The following TMEM143 variants were observed in gnomAD, a reference collection of about 807,000 sequenced individuals.
TMEM143 encodes transmembrane protein 143.
A neutral mutation model predicts 40.3 loss-of-function variants in TMEM143; 45 were observed. That is an observed-to-expected ratio of 1.12 (90% CI 0.88 to 1.43). The LOEUF (loss-of-function observed/expected upper bound fraction) is 1.43, where lower values mean the gene tolerates loss of function less well. Among genes scored for constraint, TMEM143 ranks in the 40% most tolerant of loss-of-function variants. The pLI is 0.00. For missense variants in TMEM143, 620 were observed against 613.4 expected, an observed-to-expected ratio of 1.01 and a Z score of -0.11; for synonymous variants, 299 against 282.7, an observed-to-expected ratio of 1.06 and a Z score of -0.58.
intron 6 of TMEM143, among the ~76,000 whole-genome samples, chr19:48,338,819 C>A (rs1410441401): frequency 6.6e-6 from 1 of 152,112 alleles, no homozygotes; most frequent in Non-Finnish European, 1.5e-5. Flanking sequence ...ATGGAGGAAC[C>A]CACAGGGGCA....
In TMEM143 at chr19:48,332,950, T is replaced by G; in HGVS notation, c.*269A>C. On this transcript the variant is annotated 3_prime_UTR_variant, in exon 8 of 8. Coordinates refer to ENST00000293261, the MANE Select transcript of TMEM143 (RefSeq NM_018273.4). The stretch of plus-strand genomic sequence containing the variant: ...GCTCCTCAGCCAAACCACACTTGGA[T>G]GTTTATGGTGAGGGTGGGACTAAGA... The G allele has an allele frequency of 7.5e-5, 22 of 294,418 alleles. No individual in the cohort carries two copies. The highest frequency in any genetic ancestry group is 1.2e-4 in the East Asian group (2 of 17,228). The allele number at this position is 294,418 out of a possible 1,614,324, so 18.2% of individuals were successfully genotyped here.
At position 48,342,583 on chromosome 19, in the gene TMEM143, T is replaced by C; in HGVS notation, c.922A>G (p.Thr308Ala). The C allele has an allele frequency of 1.2e-6, 2 of 1,612,462 alleles. No individual in the cohort carries two copies. Residue 308 changes from threonine (T) to alanine (A), a missense_variant, in exon 6 of 8, where the codon ACC (threonine) becomes GCC (alanine). Thr to Ala is a moderately conservative substitution (Grantham distance 58). Transcript: ENST00000293261. ...MVVLTDLKVA[T>A]SLLLLLFAIF... Reference sequence around the variant, plus strand: ...GCGAAGAGCAGCAGCAGCAGGGAGGTGGCCACCTTGAGGTCGGTTAGCACC... The same window carrying C: ...GCGAAGAGCAGCAGCAGCAGGGAGGCGGCCACCTTGAGGTCGGTTAGCACC...
At position 48,333,430 on chromosome 19, in the gene TMEM143, G is replaced by A. The variant is rs1378044632; in HGVS notation, c.1169C>T (p.Thr390Ile). The A allele has an allele frequency of 6.3e-7, 1 of 1,583,938 alleles. No homozygotes were observed. The highest frequency in any genetic ancestry group is 1.1e-5 in the South Asian group (1 of 87,988). The change falls in exon 8 of 8, where the codon ACC becomes ATC. Residue 390 changes from threonine to isoleucine, a missense_variant. Thr to Ile is a moderately conservative substitution (Grantham distance 89, BLOSUM62 -1). Coordinates refer to ENST00000293261, the MANE Select transcript of TMEM143 (RefSeq NM_018273.4). This position sits in a 1 kb window ranked among gnomAD's most constrained non-coding sequence, Gnocchi z 4.1. Reference protein sequence around the residue: ...PGGTQGSPEETSRWLRSEVEN... With the variant: ...PGGTQGSPEEISRWLRSEVEN... ...CACCTCCGACCGGAGCCACCTGGAG[G>A]TCTCTGCAAGGGGAGAGGCAGGTGT... is the stretch of plus-strand genomic sequence containing the variant.
chr19:48,346,010 C>G (rs1969621835), intron 3 of TMEM143, among the ~76,000 whole-genome samples: 1 of 151,212 alleles, frequency 6.6e-6, no homozygotes, highest in South Asian at 2.1e-4. Context: ...GTCTCGAACT[C>G]CTGACATGTG....
chr19:48,355,974 A>G (rs1240018105), intron 3 of TMEM143, among the ~76,000 whole-genome samples: 1 of 152,170 alleles, frequency 6.6e-6, no homozygotes, highest in Non-Finnish European at 1.5e-5. Context: ...TTACAGGAGC[A>G]TCCCTGGTTG....
intron 3 of TMEM143, among the ~76,000 whole-genome samples, chr19:48,350,615 T>G (rs1293463074): frequency 6.6e-6 from 1 of 151,904 alleles, no homozygotes; most frequent in Non-Finnish European, 1.5e-5. Flanking sequence ...CGCACAAACA[T>G]CTGCTAAAAG....
chr19:48,360,154 T>C lies in TMEM143; in HGVS notation c.287A>G (p.Glu96Gly). 1 of 1,614,132 alleles carries C rather than the reference T, an allele frequency of 6.2e-7. No individual in the cohort carries two copies. Among genetic ancestry groups the C allele is most frequent in the Non-Finnish European group, 8.5e-7 (1 of 1,180,000 alleles). ...CGAGAACGCCTCCAAAGCCGCCTTC[T>C]CTGCCGGACTCGAGTGGAATTCCTG... ...LIQEFHSSPA[E>G]KAALEAFSAH... Residue 96 changes from glutamate (E) to glycine (G), a missense_variant, in exon 3 of 8, where the codon GAG (glutamate) becomes GGG (glycine). Transcript: ENST00000293261.
chr19:48,358,523 T>C (rs1443551180), intron 3 of TMEM143, among the ~76,000 whole-genome samples: 1 of 151,980 alleles, frequency 6.6e-6, no homozygotes, highest in African/African-American at 2.4e-5. Context: ...TCCCAGTAAA[T>C]GGCAGCTCCA....
At chr19:48,354,273 T>C (rs1442341764) in intron 3 of TMEM143, among the ~76,000 whole-genome samples, 1 of 147,768 alleles carries the variant, frequency 6.8e-6, no homozygotes, top group Non-Finnish European at 1.5e-5. Context: ...TCTTTTTTTT[T>C]TTTTTTTTTG....
At chr19:48,354,972 C>T (rs1789220880) in intron 3 of TMEM143, among the ~76,000 whole-genome samples, 1 of 152,054 alleles carries the variant, frequency 6.6e-6, no homozygotes, top group Admixed American at 6.6e-5. Context: ...CACTTATGTT[C>T]TTTCTACATT....
At position 48,335,077 on chromosome 19, in the gene TMEM143, T is replaced by C. The variant is rs1969337688; in HGVS notation, c.976-880A>G. 5.9e-5 allele frequency among the ~76,000 whole-genome samples: 9 copies of C among 152,326 alleles called. No individual in the cohort carries two copies. The South Asian group carries it at 1.9e-3, about 32-fold the overall frequency. ...TTTTGTTACAATACATCCTTATGTT[T>C]TAGAGACATAATAAAGTATTTCCAA... On this transcript the variant is annotated intron_variant, in intron 6 of 7. Coordinates refer to ENST00000293261, the MANE Select transcript of TMEM143 (RefSeq NM_018273.4).
At chr19:48,341,137 G>A (rs1026714080) in intron 6 of TMEM143, among the ~76,000 whole-genome samples, 5 of 152,164 alleles carry the variant, frequency 3.3e-5, no homozygotes, top group South Asian at 4.1e-4. Context: ...GATCGCGTAC[G>A]ACAGATGCTT....
Position 48,338,850 on chromosome 19 carries a change from CGGG to C in TMEM143, c.975+3677_975+3679del, listed in dbSNP as rs199855262. On this transcript the variant is annotated intron_variant, in intron 6 of 7. Transcript: ENST00000293261. ...GGGCACCACCCCAGCCTGGGACATC[CGGG>C]AAGGCTTCCCAGAGCAGGCAGCCTC... 8.0e-3 allele frequency among the ~76,000 whole-genome samples: 1,223 copies of C among 152,228 alleles called. 19 individuals carry two copies. Among genetic ancestry groups the C allele is most frequent in the African/African-American group, 0.028 (1,147 of 41,518 alleles).
intron 6 of TMEM143, among the ~76,000 whole-genome samples, chr19:48,334,410 T>TTTTCTCTC (rs1176011703): frequency 1.7e-5 from 2 of 120,716 alleles, no homozygotes; most frequent in Non-Finnish European, 3.6e-5. Context: ...TTTTCTTTCT[T>TTTTCTCTC]TTTCTCTCTT....
intron 3 of TMEM143, among the ~76,000 whole-genome samples, chr19:48,359,440 CAT>C (rs762891880): frequency 3.7e-4 from 56 of 152,014 alleles, no homozygotes; most frequent in Non-Finnish European, 6.2e-4. Context: ...CTTTAGCCCA[CAT>C]GTCACCTCCT....
At chr19:48,345,760 C>G (rs8106307) in intron 3 of TMEM143, among the ~76,000 whole-genome samples, 22,010 of 151,372 alleles carry the variant, frequency 0.15, 1,772 homozygotes, top group East Asian at 0.22. Flanking sequence ...CATAAGCCAC[C>G]GTGCCCGGCC....
At chr19:48,357,248 C>G (rs143290469) in intron 3 of TMEM143, among the ~76,000 whole-genome samples, 1 of 151,752 alleles carries the variant, frequency 6.6e-6, no homozygotes. Context: ...TGAGTCACCG[C>G]GCCCGGCAGT....
chr19:48,359,930 G>C, intron 3 of TMEM143, 142 bp downstream of exon 3: 1 of 714,348 alleles, frequency 1.4e-6, no homozygotes, highest in South Asian at 2.0e-5. Context: ...CTCCATGAGG[G>C]CGTCACTTCA....
intron 3 of TMEM143, among the ~76,000 whole-genome samples, chr19:48,359,499 A>C (rs954736368): frequency 0.1 from 6,667 of 65,976 alleles, no homozygotes; most frequent in Middle Eastern, 0.19. Context: ...GCCCCATCTC[A>C]CCCCTCTTTG....
Sources: gnomAD v4.1 joint callset for allele counts (sites outside exome capture counted in the v4.1 genomes callset) on GRCh38, gnomAD v4.1.1 for gene constraint, Gnocchi (gnomAD v3.1) non-coding constraint, MANE v1.5 for transcripts, NCBI Gene and HGNC (gene_info 2026-07-23, HGNC 2026-07-21) for gene names.